Variants in LRRC4C observed in about 807,000 individuals in gnomAD.
LRRC4C encodes leucine-rich repeat-containing protein 4C.
In LRRC4C, 5 loss-of-function variants were observed where a neutral mutation model predicts 33.6. The observed-to-expected ratio is 0.15, with a 90% CI of 0.08 to 0.31. LRRC4C has a LOEUF of 0.31. Ranked by LOEUF, LRRC4C falls within the 10% of genes least tolerant of loss-of-function variation. The pLI, the probability that LRRC4C is intolerant of heterozygous loss-of-function variation, is 1.00. For synonymous variants in LRRC4C, 329 were observed against 302.0 expected (o/e 1.09, Z -0.93); for missense variants, 560 against 796.7 (o/e 0.70, Z 3.58).
At position 40,114,337 on chromosome 11, in the gene LRRC4C, TGATTG is replaced by T. The variant is rs1590401482; in HGVS notation, c.*28_*32del. 6.6e-7 allele frequency: 1 copy of T among 1,524,268 alleles called. No homozygotes were observed. The highest frequency in any genetic ancestry group is 2.2e-5 in the Admixed American group (1 of 45,180). The allele number at this position is 1,524,268 out of a possible 1,614,324, so 94.4% of individuals were successfully genotyped here. ...ATTTTTAATAAACTGTCTTTTTTTT[TGATTG>T]TTTGTTTTTTGTAACTCTGTAAATG... On this transcript the variant is annotated 3_prime_UTR_variant, in exon 7 of 7. Transcript: ENST00000528697.
chr11:40,658,630 G>A (rs1943255112), intron 2 of LRRC4C, among the ~76,000 whole-genome samples: 1 of 152,172 alleles, frequency 6.6e-6, no homozygotes, highest in South Asian at 2.1e-4. Context: ...TCATGGGACA[G>A]GAAGATGAAG....
At chr11:41,380,523 G>GA (rs1953103013) in intron 1 of LRRC4C, among the ~76,000 whole-genome samples, 2 of 151,952 alleles carry the variant, frequency 1.3e-5, no homozygotes, top group East Asian at 1.9e-4. Context: ...GAAGTTTGTA[G>GA]AAAAAAATAC....
chr11:41,401,038 A>T (rs1363084673), intron 1 of LRRC4C, among the ~76,000 whole-genome samples: 1 of 151,902 alleles, frequency 6.6e-6, no homozygotes, highest in Non-Finnish European at 1.5e-5. Context: ...GACACCCAAG[A>T]AATATGCCAA....
intron 3 of LRRC4C, among the ~76,000 whole-genome samples, chr11:40,583,711 G>A (rs1352956118): frequency 6.6e-6 from 1 of 151,908 alleles, no homozygotes; most frequent in South Asian, 2.1e-4. Flanking sequence ...TTTGCTCACC[G>A]ATCTCATCAT....
intron 2 of LRRC4C, among the ~76,000 whole-genome samples, chr11:40,796,914 T>G (rs1466412321): frequency 6.6e-6 from 1 of 152,142 alleles, no homozygotes; most frequent in African/African-American, 2.4e-5. Context: ...CCCCAAGTGC[T>G]GGGTTACAGG....
At chr11:41,272,006 C>T (rs1949336265) in intron 1 of LRRC4C, among the ~76,000 whole-genome samples, 1 of 152,038 alleles carries the variant, frequency 6.6e-6, no homozygotes, top group South Asian at 2.1e-4. Flanking sequence ...TTCCTAAAGT[C>T]ACATAAAAAA....
intron 4 of LRRC4C, among the ~76,000 whole-genome samples, chr11:40,285,979 A>G (rs1411074847): frequency 6.6e-6 from 1 of 152,302 alleles, no homozygotes; most frequent in African/African-American, 2.4e-5. Flanking sequence ...AGAAAAAAAA[A>G]TACTTGTTAT....
intron 2 of LRRC4C, among the ~76,000 whole-genome samples, chr11:40,803,663 G>A (rs1279188754): frequency 3.3e-5 from 5 of 151,664 alleles, no homozygotes; most frequent in African/African-American, 1.2e-4. Flanking sequence ...ACCCAGATGG[G>A]GTTTCACCGT....
At chr11:40,551,796 A>G (rs1432627159) in intron 3 of LRRC4C, among the ~76,000 whole-genome samples, 1 of 152,238 alleles carries the variant, frequency 6.6e-6, no homozygotes, top group Admixed American at 6.5e-5. Flanking sequence ...TTCAACTCAG[A>G]GAAGAAGTTT....
intron 3 of LRRC4C, among the ~76,000 whole-genome samples, chr11:40,428,761 T>C (rs1950807466): frequency 6.6e-6 from 1 of 152,162 alleles, no homozygotes; most frequent in Non-Finnish European, 1.5e-5. Flanking sequence ...TATTTTCCAG[T>C]GGTCTTGGTA....
chr11:40,321,946 C>T (rs1228822294), intron 3 of LRRC4C, among the ~76,000 whole-genome samples: 1 of 152,028 alleles, frequency 6.6e-6, no homozygotes, highest in Non-Finnish European at 1.5e-5. Context: ...GGTGGGGCTG[C>T]CTGAAGGGAC....
At chr11:40,913,028 A>C (rs754944860) in intron 2 of LRRC4C, among the ~76,000 whole-genome samples, 7 of 152,228 alleles carry the variant, frequency 4.6e-5, no homozygotes, top group African/African-American at 7.2e-5. Flanking sequence ...CCAATACAAG[A>C]GCACTCAGAT....
chr11:41,266,218 C>T (rs1365498363), intron 1 of LRRC4C, among the ~76,000 whole-genome samples: 1 of 152,060 alleles, frequency 6.6e-6, no homozygotes, highest in African/African-American at 2.4e-5. Flanking sequence ...AAATAAGATA[C>T]TTATTTTAAT....
chr11:41,104,297 A>G (rs1309553970), intron 1 of LRRC4C, among the ~76,000 whole-genome samples: 1 of 151,936 alleles, frequency 6.6e-6, no homozygotes, highest in Non-Finnish European at 1.5e-5. Context: ...AAAAATGAGC[A>G]ACAGATTTGA....
intron 2 of LRRC4C, among the ~76,000 whole-genome samples, chr11:40,654,436 A>G (rs941943606): frequency 2.0e-5 from 3 of 152,126 alleles, no homozygotes; most frequent in African/African-American, 7.2e-5. Flanking sequence ...GAGTCAAAGG[A>G]GCTCATTTTG....
At chr11:40,436,549 C>G (rs939066534) in intron 3 of LRRC4C, among the ~76,000 whole-genome samples, 1 of 152,156 alleles carries the variant, frequency 6.6e-6, no homozygotes, top group Non-Finnish European at 1.5e-5. Flanking sequence ...CAGCCTCTCT[C>G]CTGTCCTGCT....
At chr11:40,463,889 A>T (rs1952528220) in intron 3 of LRRC4C, among the ~76,000 whole-genome samples, 1 of 152,084 alleles carries the variant, frequency 6.6e-6, no homozygotes, top group African/African-American at 2.4e-5. Context: ...AAATTGTTCT[A>T]GGCACTCCAC....
At chr11:41,057,901 G>A (rs546545258) in intron 1 of LRRC4C, among the ~76,000 whole-genome samples, 5 of 152,228 alleles carry the variant, frequency 3.3e-5, no homozygotes, top group Admixed American at 6.5e-5. Flanking sequence ...GCTAGGAGCC[G>A]AACACTCCTT....
intron 3 of LRRC4C, among the ~76,000 whole-genome samples, chr11:40,553,637 A>G (rs1213386493): frequency 6.6e-6 from 1 of 152,192 alleles, no homozygotes; most frequent in African/African-American, 2.4e-5. Flanking sequence ...GTGAGATGGT[A>G]TGTCACAGAG....
Sources: allele counts gnomAD v4.1 joint callset (sites outside exome capture counted in the v4.1 genomes callset), GRCh38; gene constraint gnomAD v4.1.1; transcripts MANE v1.5; gene names NCBI Gene and HGNC (gene_info 2026-07-23, HGNC 2026-07-21).